The following CMSS1 variants were observed in gnomAD, a reference collection of about 807,000 sequenced individuals.
CMSS1 encodes protein CMSS1.
Under a neutral mutation model 43.5 loss-of-function variants are expected in CMSS1, and 33 were observed. The observed-to-expected ratio is 0.76, with a 90% CI of 0.57 to 1.01. CMSS1 has a LOEUF of 1.01. CMSS1 is among the 50% of genes least tolerant of loss of function. The probability of loss-of-function intolerance (pLI) is 0.00; values close to 1 mark genes in which losing one functional copy is unlikely to be tolerated. For missense variants in CMSS1, 313 were observed against 326.4 expected, an observed-to-expected ratio of 0.96 and a Z score of 0.32; for synonymous variants, 115 against 117.2, an observed-to-expected ratio of 0.98 and a Z score of 0.12.
At chr3:100,152,497 C>T (rs561312620) in intron 2 of CMSS1, among the ~76,000 whole-genome samples, 1 of 152,296 alleles carries the variant, frequency 6.6e-6, no homozygotes, top group South Asian at 2.1e-4. Context: ...TTCCTAGAGG[C>T]AGCTTGTTTA....
At chr3:99,975,866 C>T (rs1285542233) in intron 1 of CMSS1, among the ~76,000 whole-genome samples, 1 of 152,138 alleles carries the variant, frequency 6.6e-6, no homozygotes, top group East Asian at 1.9e-4. Context: ...TTTGGGCTAG[C>T]AAGCAAACAG....
intron 1 of CMSS1, among the ~76,000 whole-genome samples, chr3:99,867,206 TG>T (rs1171346304): frequency 6.6e-6 from 1 of 152,216 alleles, no homozygotes; most frequent in African/African-American, 2.4e-5. Context: ...CTCTTGGCCC[TG>T]GGTCTGCTGC....
chr3:99,917,159 C>G (rs1331348264), intron 1 of CMSS1, among the ~76,000 whole-genome samples: 2 of 152,112 alleles, frequency 1.3e-5, no homozygotes, highest in Non-Finnish European at 1.5e-5. Flanking sequence ...AGAGTATTTA[C>G]TGTATGTCCT....
intron 1 of CMSS1, among the ~76,000 whole-genome samples, chr3:100,110,358 G>A (rs569873293): frequency 2.6e-5 from 4 of 152,042 alleles, no homozygotes; most frequent in African/African-American, 9.6e-5. Flanking sequence ...TTTTGTTTCA[G>A]GGTCAGGAGC....
intron 1 of CMSS1, among the ~76,000 whole-genome samples, chr3:99,942,044 A>G (rs962849974): frequency 6.6e-6 from 1 of 152,230 alleles, no homozygotes; most frequent in Non-Finnish European, 1.5e-5. Context: ...GTGAAACTGT[A>G]TCTCTACTAA....
chr3:100,120,818 C>T, intron 1 of CMSS1, among the ~76,000 whole-genome samples: 1 of 152,032 alleles, frequency 6.6e-6, no homozygotes, highest in Non-Finnish European at 1.5e-5. Flanking sequence ...GGGCAAGGAG[C>T]AGTAGGTTTC....
intron 1 of CMSS1, among the ~76,000 whole-genome samples, chr3:100,101,220 C>T (rs2066299323): frequency 6.6e-6 from 1 of 152,154 alleles, no homozygotes; most frequent in African/African-American, 2.4e-5. Flanking sequence ...ATCCCAGGCA[C>T]AGGTAATGTC....
intron 1 of CMSS1, among the ~76,000 whole-genome samples, chr3:99,949,611 A>G (rs553675823): frequency 2.0e-5 from 3 of 152,348 alleles, no homozygotes; most frequent in Admixed American, 1.3e-4. Flanking sequence ...ATTTCAAAGT[A>G]CTTAATATTT....
chr3:99,861,129 A>T (rs1944231692), intron 1 of CMSS1, among the ~76,000 whole-genome samples: 1 of 151,980 alleles, frequency 6.6e-6, no homozygotes, highest in Non-Finnish European at 1.5e-5. Flanking sequence ...TTTAGAAAAG[A>T]TCCCTTAAAT....
chr3:99,821,194 C>T (rs916052004), intron 1 of CMSS1, among the ~76,000 whole-genome samples: 1 of 152,200 alleles, frequency 6.6e-6, no homozygotes, highest in Non-Finnish European at 1.5e-5. Flanking sequence ...TTCTACATTG[C>T]ACTGGAGCTC....
At position 100,171,639 on chromosome 3, in the gene CMSS1, A is replaced by G. The variant is rs2067110719; in HGVS notation, c.519-200A>G. Among the ~76,000 whole-genome samples the G allele has an allele frequency of 2.0e-5, 3 of 152,226 alleles. No individual in the cohort carries two copies. In the South Asian group the frequency reaches 6.2e-4, roughly 32 times the overall value. On this transcript the variant is annotated intron_variant, in intron 6 of 9. Transcript: ENST00000421999. Reference sequence around the variant, plus strand: ...ATGGCAGTGTAAAGCCAACCCAGATATGTGCCTGAATAAAAGGCCACCCCA... The same window carrying G: ...ATGGCAGTGTAAAGCCAACCCAGATGTGTGCCTGAATAAAAGGCCACCCCA...
chr3:99,834,019 C>A (rs946871755), intron 1 of CMSS1, among the ~76,000 whole-genome samples: 1 of 152,166 alleles, frequency 6.6e-6, no homozygotes, highest in African/African-American at 2.4e-5. Flanking sequence ...GCCTTCTTTT[C>A]TTTTGTCTTT....
chr3:99,996,395 G>C lies in CMSS1; in HGVS notation c.65-150578G>C, dbSNP rs1390399451. Among the ~76,000 whole-genome samples the C allele has an allele frequency of 2.0e-5, 3 of 152,170 alleles. No individual in the cohort carries two copies. In the East Asian group the frequency reaches 5.8e-4, roughly 29 times the overall value. On this transcript the variant is annotated intron_variant, in intron 1 of 9. Coordinates refer to ENST00000421999, the MANE Select transcript of CMSS1 (RefSeq NM_032359.4). ...GGCCTTGGTCAAAGCCATTCAGCAA[G>C]TCTCTAGGAAGTTCCAACTTTCCCA...
chr3:99,868,058 G>A (rs988601589), intron 1 of CMSS1, among the ~76,000 whole-genome samples: 4 of 152,182 alleles, frequency 2.6e-5, no homozygotes, highest in African/African-American at 9.7e-5. Flanking sequence ...GTAAAGATTT[G>A]TCTTACAGAT....
intron 1 of CMSS1, among the ~76,000 whole-genome samples, chr3:99,974,462 C>A (rs1173224932): frequency 1.3e-5 from 2 of 152,128 alleles, no homozygotes; most frequent in South Asian, 4.1e-4. Flanking sequence ...GTAATCACAG[C>A]ACTTTGGGAG....
intron 1 of CMSS1, among the ~76,000 whole-genome samples, chr3:99,921,262 A>G (rs1707115399): frequency 6.6e-6 from 1 of 152,172 alleles, no homozygotes; most frequent in African/African-American, 2.4e-5. Context: ...CTTGTGTGTA[A>G]GCACCTCCTC....
intron 1 of CMSS1, chr3:99,849,649 T>C (rs753085906): frequency 1.2e-6 from 2 of 1,613,312 alleles, no homozygotes; most frequent in South Asian, 2.2e-5. Flanking sequence ...ATGTTCTAGC[T>C]CTTTAGATAA....
chr3:99,963,773 A>C (rs1413875797), intron 1 of CMSS1, among the ~76,000 whole-genome samples: 1 of 151,962 alleles, frequency 6.6e-6, no homozygotes, highest in Non-Finnish European at 1.5e-5. Context: ...ACACGCCACC[A>C]TGCTCAGCTA....
intron 1 of CMSS1, among the ~76,000 whole-genome samples, chr3:100,009,458 G>A (rs1276119099): frequency 1.3e-5 from 2 of 152,140 alleles, no homozygotes; most frequent in Non-Finnish European, 2.9e-5. Flanking sequence ...CTAGAGGGCT[G>A]GGGTGACTGT....
Sources: gnomAD v4.1 joint callset for allele counts (sites outside exome capture counted in the v4.1 genomes callset) on GRCh38, gnomAD v4.1.1 for gene constraint, MANE v1.5 for transcripts, NCBI Gene and HGNC (gene_info 2026-07-23, HGNC 2026-07-21) for gene names.